The following NXPE2 variants were observed in gnomAD, a reference collection of about 807,000 sequenced individuals.
The protein encoded by NXPE2 is neurexophilin and PC-esterase domain family member 2.
NXPE2 carries 34 observed loss-of-function variants against 34.4 expected under a neutral mutation model. That is an observed-to-expected ratio of 0.99 (90% CI 0.75 to 1.31). The LOEUF (loss-of-function observed/expected upper bound fraction) is 1.31, where lower values mean the gene tolerates loss of function less well. Ranked by LOEUF, NXPE2 falls within the 40% of genes most tolerant of loss-of-function variation. NXPE2 has a pLI of 0.00. For missense variants in NXPE2, 649 were observed against 672.5 expected, an observed-to-expected ratio of 0.97 and a Z score of 0.39; for synonymous variants, 235 against 231.3, an observed-to-expected ratio of 1.02 and a Z score of -0.15.
At chr11:114,808,845 A>C in the NXPE2 span, among the ~76,000 whole-genome samples, 1 of 152,218 alleles carries the variant, frequency 6.6e-6, no homozygotes, top group Non-Finnish European at 1.5e-5. Context: ...TCATTTTATG[A>C]GGCCAGCAAC....
At chr11:114,701,253 G>A (rs1464176) in intron 3 of NXPE2, among the ~76,000 whole-genome samples, 15,036 of 152,126 alleles carry the variant, frequency 0.099, 885 homozygotes, top group Middle Eastern at 0.21. Flanking sequence ...TACTCTATAT[G>A]TTTTATATGT....
the NXPE2 span, among the ~76,000 whole-genome samples, chr11:114,720,634 C>T: frequency 6.7e-6 from 1 of 148,168 alleles, no homozygotes; most frequent in Admixed American, 6.7e-5. Flanking sequence ...AGCAAAAAAA[C>T]ACCAGAATAT....
chr11:114,564,828 C>T, the NXPE2 span, among the ~76,000 whole-genome samples: 1 of 152,128 alleles, frequency 6.6e-6, no homozygotes. Flanking sequence ...ACCTTTAGAG[C>T]CTAATTTATT....
chr11:114,650,507 G>A, the NXPE2 span, among the ~76,000 whole-genome samples: 2 of 152,180 alleles, frequency 1.3e-5, no homozygotes, highest in Non-Finnish European at 2.9e-5. Context: ...TAAAGCCCTG[G>A]CCTTAAGCAA....
At chr11:114,720,341 AAGCCC>A in the NXPE2 span, among the ~76,000 whole-genome samples, 3 of 152,254 alleles carry the variant, frequency 2.0e-5, no homozygotes, top group Non-Finnish European at 4.4e-5. Flanking sequence ...CACCTGAGTC[AAGCCC>A]CAGCCTTCTG....
chr11:114,554,776 TGAA>T, the NXPE2 span, among the ~76,000 whole-genome samples: 1 of 152,212 alleles, frequency 6.6e-6, no homozygotes, highest in Non-Finnish European at 1.5e-5. Flanking sequence ...AATTCATAAT[TGAA>T]GAGATTACTA....
At chr11:114,765,504 A>G in the NXPE2 span, among the ~76,000 whole-genome samples, 1 of 152,184 alleles carries the variant, frequency 6.6e-6, no homozygotes, top group African/African-American at 2.4e-5. Flanking sequence ...TAACTTTTGT[A>G]TATACTGGGA....
the NXPE2 span, among the ~76,000 whole-genome samples, chr11:114,768,880 A>G: frequency 6.6e-6 from 1 of 152,206 alleles, no homozygotes; most frequent in Non-Finnish European, 1.5e-5. Context: ...AGGCAATACC[A>G]TTCAGGACAT....
intron 3 of NXPE2, among the ~76,000 whole-genome samples, chr11:114,702,758 A>G (rs1217064434): frequency 6.6e-6 from 1 of 152,150 alleles, no homozygotes; most frequent in East Asian, 1.9e-4. Flanking sequence ...GCTGTCTCCC[A>G]TGACTCCACC....
chr11:114,481,444 A>C, the NXPE2 span, among the ~76,000 whole-genome samples: 1 of 152,184 alleles, frequency 6.6e-6, no homozygotes, highest in Non-Finnish European at 1.5e-5. Context: ...TGGCAACAAT[A>C]GCGCTTTCCT....
At chr11:114,517,882 G>A in the NXPE2 span, 1 of 152,402 alleles carries the variant, frequency 6.6e-6, no homozygotes, top group African/African-American at 2.4e-5. Context: ...TGCTCCCACA[G>A]CTTTGCATCT....
the NXPE2 span, among the ~76,000 whole-genome samples, chr11:114,783,341 G>A: frequency 6.6e-6 from 1 of 152,194 alleles, no homozygotes; most frequent in South Asian, 2.1e-4. Flanking sequence ...CCCACCTGAG[G>A]GGCCCTTTTT....
At chr11:114,525,663 A>G in the NXPE2 span, among the ~76,000 whole-genome samples, 1 of 152,168 alleles carries the variant, frequency 6.6e-6, no homozygotes, top group African/African-American at 2.4e-5. Context: ...CATATGCCTG[A>G]GTTGCAACAC....
the NXPE2 span, among the ~76,000 whole-genome samples, chr11:114,569,673 G>A: frequency 1.3e-5 from 2 of 152,132 alleles, no homozygotes; most frequent in Non-Finnish European, 2.9e-5. Flanking sequence ...TGTCACTCTG[G>A]CCGTAGTGTA....
upstream of NXPE2, among the ~76,000 whole-genome samples, chr11:114,675,806 A>G (rs1012296441): frequency 2.0e-5 from 3 of 151,996 alleles, no homozygotes; most frequent in Non-Finnish European, 4.4e-5. Flanking sequence ...ATCTTGACCA[A>G]TAATATCAAA....
the NXPE2 span, among the ~76,000 whole-genome samples, chr11:114,491,358 C>T: frequency 1.2e-4 from 19 of 152,020 alleles, no homozygotes; most frequent in South Asian, 2.1e-3. Flanking sequence ...AGGATATGAA[C>T]AGACACTTCT....
chr11:114,522,199 A>C, the NXPE2 span: 4 of 1,614,042 alleles, frequency 2.5e-6, no homozygotes, highest in Non-Finnish European at 3.4e-6. Flanking sequence ...TAATCACTTT[A>C]GTGGCTGGGC....
chr11:114,554,588 ACATGCTAAATAACAAAATTTAGCAGC>A, the NXPE2 span, among the ~76,000 whole-genome samples: 1 of 152,236 alleles, frequency 6.6e-6, no homozygotes, highest in Non-Finnish European at 1.5e-5. Flanking sequence ...TTTTTAATTA[ACATGCTAAATAACAAAATTTAGCAGC>A]CAGGTCTTAT....
chr11:114,758,976 A>G, the NXPE2 span, among the ~76,000 whole-genome samples: 742 of 151,958 alleles, frequency 4.9e-3, 3 homozygotes, highest in African/African-American at 0.017. Context: ...TTTTACCCCA[A>G]TTTCTGTTTT....
Sources: gnomAD v4.1 joint callset for allele counts (sites outside exome capture counted in the v4.1 genomes callset) on GRCh38, gnomAD v4.1.1 for gene constraint, MANE v1.5 for transcripts, NCBI Gene and HGNC (gene_info 2026-07-23, HGNC 2026-07-21) for gene names.